The following CARD8 variants were observed in gnomAD, a reference collection of about 807,000 sequenced individuals.
The protein encoded by CARD8 is caspase recruitment domain-containing protein 8.
In CARD8, 38 loss-of-function variants were observed where a neutral mutation model predicts 53.2. The observed-to-expected ratio is 0.71, with a 90% confidence interval of 0.55 to 0.94. The LOEUF (loss-of-function observed/expected upper bound fraction) is 0.94, where lower values mean the gene tolerates loss of function less well. CARD8 is among the 40% of genes least tolerant of loss of function. The probability of loss-of-function intolerance (pLI) is 0.00; values close to 1 mark genes in which losing one functional copy is unlikely to be tolerated. For synonymous variants in CARD8, 245 were observed against 244.9 expected (o/e 1.00, Z 0.00); for missense variants, 561 against 655.5 (o/e 0.86, Z 1.57).
chr19:48,223,986 G>C, intron 10 of CARD8: 1 of 439,854 alleles, frequency 2.3e-6, no homozygotes, highest in Admixed American at 2.4e-5. Flanking sequence ...TTTTGAGATG[G>C]AGTCTCGCTC....
At chr19:48,220,638 G>A (rs1360847630) in intron 11 of CARD8, among the ~76,000 whole-genome samples, 1 of 152,110 alleles carries the variant, frequency 6.6e-6, no homozygotes, top group African/African-American at 2.4e-5. Context: ...TTGGGGCCAG[G>A]TGTGGTGGCT....
intron 13 of CARD8, 103 bp from the exon 14 acceptor site, chr19:48,212,078 T>C (rs1462869841): frequency 7.3e-6 from 8 of 1,091,754 alleles, no homozygotes; most frequent in Admixed American, 2.4e-5. Context: ...AGATTGCTCC[T>C]TGTGTCTGTA....
chr19:48,226,749 A>G (rs1038702156), intron 10 of CARD8, among the ~76,000 whole-genome samples: 1 of 152,138 alleles, frequency 6.6e-6, no homozygotes, highest in Non-Finnish European at 1.5e-5. Context: ...AGTGAAGCTG[A>G]ACGGAGTAAA....
chr19:48,225,408 T>C (rs1314789528), intron 10 of CARD8, among the ~76,000 whole-genome samples: 1 of 152,098 alleles, frequency 6.6e-6, no homozygotes, highest in East Asian at 1.9e-4. Flanking sequence ...GGAGAATCGC[T>C]TGAACCCGGT....
intron 10 of CARD8, among the ~76,000 whole-genome samples, chr19:48,225,842 CAGG>C (rs1336935572): frequency 6.6e-6 from 1 of 152,092 alleles, no homozygotes; most frequent in Non-Finnish European, 1.5e-5. Context: ...CACCTGAGGT[CAGG>C]AGTTCAAGAC....
chr19:48,240,216 G>C (rs1193538269), intron 4 of CARD8, among the ~76,000 whole-genome samples: 2 of 152,178 alleles, frequency 1.3e-5, no homozygotes, highest in Non-Finnish European at 2.9e-5. Context: ...ACATAAACCT[G>C]GTGCTGATGA....
At chr19:48,212,981 C>G (rs1050571622) in intron 13 of CARD8, 8 of 152,342 alleles carry the variant, frequency 5.3e-5, no homozygotes, top group Middle Eastern at 3.4e-3. Flanking sequence ...TGTTTTGAGA[C>G]ATGAGTTCGG....
At chr19:48,215,150 CCTT>C in intron 13 of CARD8, 187 bp downstream of exon 13, 2 of 509,264 alleles carry the variant, frequency 3.9e-6, no homozygotes, top group South Asian at 4.5e-5. Flanking sequence ...CTCGGTCTCT[CCTT>C]CTGCCTTATG....
intron 10 of CARD8, among the ~76,000 whole-genome samples, chr19:48,228,161 C>T (rs752785517): frequency 4.6e-5 from 7 of 152,198 alleles, no homozygotes; most frequent in Non-Finnish European, 8.8e-5. Flanking sequence ...TCTCCCATTA[C>T]CCCCAGATGG....
chr19:48,214,540 C>A (rs1391544644), intron 13 of CARD8, among the ~76,000 whole-genome samples: 9 of 152,076 alleles, frequency 5.9e-5, no homozygotes, highest in Non-Finnish European at 1.3e-4. Context: ...GCGTATGACT[C>A]CAAGAAACAC....
At chr19:48,207,732 C>CTGTTTTTTGTTTTT (rs2037422761), downstream of CARD8, among the ~76,000 whole-genome samples, 1 of 91,278 alleles carries the variant, frequency 1.1e-5, no homozygotes, top group Non-Finnish European at 2.1e-5. Flanking sequence ...TGTTGTTTTT[C>CTGTTTTTTGTTTTT]TGTTTTTTTT....
At chr19:48,224,597 A>G (rs947095794) in intron 10 of CARD8, among the ~76,000 whole-genome samples, 3 of 152,122 alleles carry the variant, frequency 2.0e-5, no homozygotes, top group Admixed American at 1.3e-4. Flanking sequence ...CAGTGCAACA[A>G]TAGATATTTA....
At chr19:48,205,611 C>T (rs558274550), downstream of CARD8, among the ~76,000 whole-genome samples, 23 of 152,272 alleles carry the variant, frequency 1.5e-4, no homozygotes, top group African/African-American at 5.5e-4. Context: ...TTGAGGCATC[C>T]CAACATTCCT....
chr19:48,226,283 G>A (rs1189525971), intron 10 of CARD8, among the ~76,000 whole-genome samples: 2 of 152,026 alleles, frequency 1.3e-5, no homozygotes, highest in Non-Finnish European at 2.9e-5. Flanking sequence ...GAGTGCAGTG[G>A]CAAAATCTTG....
At chr19:48,236,303 C>T (rs1253826754) in intron 5 of CARD8, among the ~76,000 whole-genome samples, 1 of 152,158 alleles carries the variant, frequency 6.6e-6, no homozygotes, top group African/African-American at 2.4e-5. Context: ...ACCTCTGCCT[C>T]CCGGGTTCAA....
intron 3 of CARD8, among the ~76,000 whole-genome samples, chr19:48,247,654 T>C (rs1020405071): frequency 6.6e-6 from 1 of 151,786 alleles, no homozygotes; most frequent in African/African-American, 2.4e-5. Flanking sequence ...GTGAATTTAT[T>C]ACCCTTTATA....
Position 48,230,925 on chromosome 19 carries a change from C to A in CARD8, c.624G>T (p.Thr208=). ...GCTGACTCCAGGAACCAAACGCAATCGTCACTGTGACCTCATCCCTTACCA... is the reference window on the plus strand; with the variant it reads ...GCTGACTCCAGGAACCAAACGCAATAGTCACTGTGACCTCATCCCTTACCA... ...GFLVRDEVTV[T]IAFGSWSQHL... Residue 208 remains threonine (T), a synonymous_variant, in exon 9 of 14, where the codon ACG becomes ACT. Transcript: ENST00000651546. 1.9e-6 allele frequency: 3 copies of A among 1,614,178 alleles called. No homozygotes were observed. Among genetic ancestry groups the A allele is most frequent in the Non-Finnish European group, 2.5e-6 (3 of 1,180,034 alleles).
chr19:48,235,308 C>T (rs181571038), intron 5 of CARD8, among the ~76,000 whole-genome samples: 58 of 152,212 alleles, frequency 3.8e-4, no homozygotes, highest in African/African-American at 1.3e-3. Flanking sequence ...ATATGACAGC[C>T]ACTAGCCACA....
At chr19:48,221,006 GAAAA>G (rs1491152994) in intron 11 of CARD8, among the ~76,000 whole-genome samples, 36 of 88,392 alleles carry the variant, frequency 4.1e-4, no homozygotes, top group African/African-American at 1.2e-3. Flanking sequence ...AAGAAAGAAA[GAAAA>G]AGAAAGAAAG....
Sources: allele counts gnomAD v4.1 joint callset (sites outside exome capture counted in the v4.1 genomes callset), GRCh38; gene constraint gnomAD v4.1.1; transcripts MANE v1.5; gene names NCBI Gene and HGNC (gene_info 2026-07-23, HGNC 2026-07-21).